DNM3: variants seen among roughly 807,000 people sequenced by gnomAD.
DNM3 encodes the protein dynamin 3.
A neutral mutation model predicts 101.6 loss-of-function variants in DNM3; 47 were observed. That is an observed-to-expected ratio of 0.46 (90% CI 0.37 to 0.59). DNM3 has a LOEUF of 0.59. Among genes scored for constraint, DNM3 ranks in the 20% least tolerant of loss-of-function variants. The pLI is 0.00. For missense variants in DNM3, 849 were observed against 1,085.7 expected (o/e 0.78, Z 3.06); for synonymous variants, 385 against 387.9 (o/e 0.99, Z 0.09).
At chr1:172,056,121 T>C (rs2050592045) in intron 10 of DNM3, among the ~76,000 whole-genome samples, 1 of 152,224 alleles carries the variant, frequency 6.6e-6, no homozygotes, top group Non-Finnish European at 1.5e-5. Context: ...ACCTGAATAC[T>C]GTGCTTTTCC....
At chr1:172,319,007 C>G (rs1014251120) in intron 16 of DNM3, among the ~76,000 whole-genome samples, 21 of 151,812 alleles carry the variant, frequency 1.4e-4, no homozygotes, top group Non-Finnish European at 2.9e-4. Context: ...GCTACAGTAA[C>G]CAAAACAGCA....
At chr1:171,962,497 G>C (rs906925955) in intron 2 of DNM3, among the ~76,000 whole-genome samples, 1 of 152,094 alleles carries the variant, frequency 6.6e-6, no homozygotes, top group African/African-American at 2.4e-5. Flanking sequence ...ATCACAGACT[G>C]GGTAGCTTAA....
intron 17 of DNM3, among the ~76,000 whole-genome samples, chr1:172,342,002 T>C (rs1366387751): frequency 6.6e-6 from 1 of 151,814 alleles, no homozygotes; most frequent in Non-Finnish European, 1.5e-5. Flanking sequence ...TATGAAAAAA[T>C]GTTCAACATC....
At chr1:172,366,188 A>G (rs1000556612) in intron 17 of DNM3, among the ~76,000 whole-genome samples, 1 of 151,846 alleles carries the variant, frequency 6.6e-6, no homozygotes, top group African/African-American at 2.4e-5. Flanking sequence ...ATCACACTAC[A>G]TGACTGCAGC....
At chr1:172,066,725 C>G (rs1043160165) in intron 10 of DNM3, among the ~76,000 whole-genome samples, 1 of 152,286 alleles carries the variant, frequency 6.6e-6, no homozygotes, top group South Asian at 2.1e-4. Context: ...GTTGTAAATA[C>G]TTTACCATGT....
chr1:172,038,388 A>T lies in DNM3; in HGVS notation c.919A>T (p.Ile307Leu), dbSNP rs2049121026. The T allele has an allele frequency of 6.2e-7, 1 of 1,613,368 alleles. No homozygotes were observed. Among genetic ancestry groups the T allele is most frequent in the Non-Finnish European group, 8.5e-7 (1 of 1,179,602 alleles). Residue 307 changes from isoleucine to leucine, a missense_variant, in exon 7 of 21, where the codon ATA becomes TTA. Ile to Leu is a conservative substitution (Grantham distance 5). Transcript: ENST00000627582. ...RNKLQGQLLS[I>L]EHEVEAYKNF... is the part of the protein sequence containing the mutation. The stretch of plus-strand genomic sequence containing the variant: ...CAAACTACAGGGACAGTTGCTCTCC[A>T]TAGAACATGAAGTAGAAGCCTACAA...
intron 14 of DNM3, among the ~76,000 whole-genome samples, chr1:172,148,803 A>T (rs2058020993): frequency 6.6e-6 from 1 of 152,046 alleles, no homozygotes; most frequent in African/African-American, 2.4e-5. Flanking sequence ...GAGGCAATGC[A>T]GTCCCCTAAT....
chr1:172,256,978 A>G (rs1298624937), intron 15 of DNM3, among the ~76,000 whole-genome samples: 1 of 150,382 alleles, frequency 6.6e-6, no homozygotes, highest in Non-Finnish European at 1.5e-5. Context: ...GTTTTGTATC[A>G]TTGATTTCTA....
intron 13 of DNM3, among the ~76,000 whole-genome samples, chr1:172,109,246 A>G (rs1414151937): frequency 1.3e-5 from 2 of 152,208 alleles, no homozygotes; most frequent in Non-Finnish European, 2.9e-5. Flanking sequence ...TATTCTCTTC[A>G]AACATCTCTT....
intron 1 of DNM3, among the ~76,000 whole-genome samples, chr1:171,860,907 G>A (rs982714480): frequency 3.3e-5 from 5 of 152,104 alleles, no homozygotes; most frequent in African/African-American, 1.2e-4. Context: ...AAAGTTGGGA[G>A]TTGAACATCT....
At chr1:172,111,738 T>C (rs982616714) in intron 13 of DNM3, among the ~76,000 whole-genome samples, 8 of 151,860 alleles carry the variant, frequency 5.3e-5, no homozygotes, top group African/African-American at 1.7e-4. Flanking sequence ...ACAGAGTAGA[T>C]AGAAGAAAGA....
chr1:171,843,622 C>T (rs77469347), intron 1 of DNM3, among the ~76,000 whole-genome samples: 2,054 of 152,238 alleles, frequency 0.013, 52 homozygotes, highest in African/African-American at 0.045. Context: ...ATATTGTATG[C>T]AAGTGCATTG....
intron 13 of DNM3, among the ~76,000 whole-genome samples, chr1:172,129,633 C>T (rs1475459113): frequency 1.3e-5 from 2 of 152,148 alleles, no homozygotes; most frequent in Non-Finnish European, 2.9e-5. Context: ...TGCAGGGAAA[C>T]TTCCATTTTT....
rs1403316578 is a variant in DNM3, at chr1:172,048,744, C to T, written c.1329C>T (p.Thr443=). Reference sequence around the variant, plus strand: ...TAATCAACACTGTGAAGAAGTGTACCAAAAAAGTAAGTTCGAATTATTTAA... The same window carrying T: ...TAATCAACACTGTGAAGAAGTGTACTAAAAAAGTAAGTTCGAATTATTTAA... ...QELINTVKKC[T]KKLANFPRLC... is the part of the protein sequence containing the mutation. Residue 443 remains threonine (T), a synonymous_variant, in exon 10 of 21, where the codon ACC becomes ACT. Transcript: ENST00000627582. The T allele has an allele frequency of 3.7e-6, 6 of 1,609,358 alleles. No individual in the cohort carries two copies. Among genetic ancestry groups the T allele is most frequent in the Non-Finnish European group, 5.1e-6 (6 of 1,178,110 alleles).
chr1:172,199,007 T>C lies in DNM3; in HGVS notation c.1660-54566T>C, dbSNP rs536559033. The stretch of plus-strand genomic sequence containing the variant: ...TATTTCAGTTGTAAATTCAGGTTGT[T>C]AATTTGAGATCATTCCAACTTTTTG... On this transcript the variant is annotated intron_variant, in intron 14 of 20. Transcript: ENST00000627582. Among the ~76,000 whole-genome samples, 3 of 152,134 alleles carry C rather than the reference T, an allele frequency of 2.0e-5. 1 individual carries two copies. The highest frequency in any genetic ancestry group is 7.2e-5 in the African/African-American group (3 of 41,554).
intron 14 of DNM3, among the ~76,000 whole-genome samples, chr1:172,221,745 T>C (rs778848502): frequency 6.6e-6 from 1 of 152,154 alleles, no homozygotes; most frequent in Non-Finnish European, 1.5e-5. Flanking sequence ...CCACACTGTC[T>C]CTCTTGCTAT....
At chr1:171,896,939 A>T (rs1468451037) in intron 1 of DNM3, among the ~76,000 whole-genome samples, 1 of 152,106 alleles carries the variant, frequency 6.6e-6, no homozygotes. Context: ...TGCTCCCTTA[A>T]TTGTTCTTTA....
intron 17 of DNM3, among the ~76,000 whole-genome samples, chr1:172,361,761 C>A (rs1012231741): frequency 1.3e-5 from 2 of 151,966 alleles, no homozygotes; most frequent in African/African-American, 4.8e-5. Context: ...CTGCAATAGC[C>A]ACCTCTCTAT....
At chr1:171,975,714 AC>A (rs1422558552) in intron 2 of DNM3, among the ~76,000 whole-genome samples, 1 of 152,258 alleles carries the variant, frequency 6.6e-6, no homozygotes, top group African/African-American at 2.4e-5. Context: ...TTTTGTAGAA[AC>A]TGACAAGCTG....
Sources: gnomAD v4.1 joint callset for allele counts (sites outside exome capture counted in the v4.1 genomes callset) on GRCh38, gnomAD v4.1.1 for gene constraint, MANE v1.5 for transcripts, NCBI Gene and HGNC (gene_info 2026-07-23, HGNC 2026-07-21) for gene names.